The following RPS6KA2 variants were observed in gnomAD, a reference collection of about 807,000 sequenced individuals.
RPS6KA2 encodes ribosomal protein S6 kinase A2, also known as ribosomal protein S6 kinase alpha-2.
In RPS6KA2, 42 loss-of-function variants were observed where a neutral mutation model predicts 91.8. The ratio of observed to expected loss-of-function variants is 0.46; its 90% CI spans 0.36 to 0.59. The LOEUF (loss-of-function observed/expected upper bound fraction) is 0.59. Among genes scored for constraint, RPS6KA2 ranks in the 20% least tolerant of loss-of-function variants. The pLI, the probability that RPS6KA2 is intolerant of heterozygous loss-of-function variation, is 0.00. For synonymous variants in RPS6KA2, 414 were observed against 393.6 expected (o/e 1.05, Z -0.61); for missense variants, 798 against 978.5 (o/e 0.82, Z 2.46).
chr6:166,501,972 A>T (rs571605813), intron 6 of RPS6KA2, among the ~76,000 whole-genome samples: 1 of 152,374 alleles, frequency 6.6e-6, no homozygotes, highest in South Asian at 2.1e-4. Context: ...CCCAAACGAC[A>T]GGTATTATAT....
At position 166,549,659 on chromosome 6, in the gene RPS6KA2, G is replaced by T. The variant is rs573349907; in HGVS notation, c.100-10875C>A. Among the ~76,000 whole-genome samples the T allele has an allele frequency of 9.9e-5, 15 of 151,918 alleles. No individual in the cohort carries two copies. The South Asian group carries it at 1.5e-3, about 15-fold the overall frequency. ...GGTGAGGGATGGTTGGTGTTGGGGGGGTGTGTGTGTCCATAAAAGGGTACC... is the reference window on the plus strand; with the variant it reads ...GGTGAGGGATGGTTGGTGTTGGGGGTGTGTGTGTGTCCATAAAAGGGTACC... On this transcript the variant is annotated intron_variant, in intron 1 of 20. Coordinates refer to ENST00000265678, the MANE Select transcript of RPS6KA2 (RefSeq NM_021135.6).
At chr6:166,538,233 C>A (rs145185979) in intron 2 of RPS6KA2, among the ~76,000 whole-genome samples, 188 of 152,302 alleles carry the variant, frequency 1.2e-3, no homozygotes, top group African/African-American at 4.3e-3. Context: ...CAGACCCTAG[C>A]CTTCCTGGCT....
intron 2 of RPS6KA2, among the ~76,000 whole-genome samples, chr6:166,837,310 T>C (rs1780345827): frequency 6.6e-6 from 1 of 152,088 alleles, no homozygotes; most frequent in Non-Finnish European, 1.5e-5. Flanking sequence ...CCCTGACCCC[T>C]GGCCTCAGCA....
At chr6:166,702,977 A>T in intron 2 of RPS6KA2, 1 of 542,986 alleles carries the variant, frequency 1.8e-6, no homozygotes, top group Non-Finnish European at 3.3e-6. Context: ...AGAACCAAGC[A>T]CAAGAACGAG....
At chr6:166,505,253 G>A (rs934055837) in intron 5 of RPS6KA2, among the ~76,000 whole-genome samples, 1 of 152,132 alleles carries the variant, frequency 6.6e-6, no homozygotes, top group African/African-American at 2.4e-5. Flanking sequence ...GGGATCCCAC[G>A]TAGCTGGGAC....
At chr6:166,682,198 TTTC>T (rs1211051743) in intron 2 of RPS6KA2, among the ~76,000 whole-genome samples, 7 of 152,216 alleles carry the variant, frequency 4.6e-5, no homozygotes, top group Admixed American at 2.0e-4. Flanking sequence ...GCTTTCTCCT[TTTC>T]TTCTTCATTA....
At chr6:166,860,033 T>A (rs1337700154) in intron 1 of RPS6KA2, among the ~76,000 whole-genome samples, 1 of 152,318 alleles carries the variant, frequency 6.6e-6, no homozygotes, top group East Asian at 1.9e-4. Flanking sequence ...CATTTCTTGA[T>A]ATGTGAGTTA....
intron 2 of RPS6KA2, among the ~76,000 whole-genome samples, chr6:166,764,447 C>CG (rs144950169): frequency 0.11 from 17,468 of 152,088 alleles, 1,755 homozygotes; most frequent in East Asian, 0.29. Flanking sequence ...TCTAACAACA[C>CG]GGGGCCCGCG....
intron 2 of RPS6KA2, among the ~76,000 whole-genome samples, chr6:166,727,735 T>G (rs531985097): frequency 6.6e-6 from 1 of 152,084 alleles, no homozygotes; most frequent in African/African-American, 2.4e-5. Flanking sequence ...CAGCCTAAAC[T>G]ATCAGCAACC....
rs188239851 is a variant in RPS6KA2, at chr6:166,573,459, G to A, written c.100-34675C>T. Among the ~76,000 whole-genome samples the A allele has an allele frequency of 1.7e-3, 261 of 152,362 alleles. 2 individuals are homozygous for A. Among genetic ancestry groups the A allele is most frequent in the African/African-American group, 4.2e-3 (175 of 41,584 alleles). On this transcript the variant is annotated intron_variant, in intron 1 of 20. Coordinates refer to ENST00000265678, the MANE Select transcript of RPS6KA2 (RefSeq NM_021135.6). ...CGCACGTGTTCTGATGCAGGAAGACGTACTGCTGTCTATGTAAAGTACAGA... is the reference window on the plus strand; with the variant it reads ...CGCACGTGTTCTGATGCAGGAAGACATACTGCTGTCTATGTAAAGTACAGA...
chr6:166,702,564 T>G, intron 2 of RPS6KA2: 1 of 1,453,764 alleles, frequency 6.9e-7, no homozygotes, highest in Non-Finnish European at 9.7e-7. Flanking sequence ...CCTCCCACTG[T>G]AAGTGAGGAG....
intron 2 of RPS6KA2, among the ~76,000 whole-genome samples, chr6:166,532,800 T>C (rs1783330421): frequency 6.6e-6 from 1 of 152,114 alleles, no homozygotes; most frequent in Admixed American, 6.5e-5. Flanking sequence ...ACAGTTAATA[T>C]TCATCTCTGG....
intron 1 of RPS6KA2, among the ~76,000 whole-genome samples, chr6:166,605,693 G>T (rs529226500): frequency 6.6e-6 from 1 of 152,120 alleles, no homozygotes; most frequent in African/African-American, 2.4e-5. Context: ...ATGCACTCAC[G>T]CACACACACA....
intron 1 of RPS6KA2, among the ~76,000 whole-genome samples, chr6:166,599,089 C>G (rs1785641457): frequency 6.6e-6 from 1 of 152,204 alleles, no homozygotes; most frequent in Non-Finnish European, 1.5e-5. Flanking sequence ...GCAGGAGTCA[C>G]CTGGTGCGTG....
At position 166,622,420 on chromosome 6, in the gene RPS6KA2, G is replaced by GT. The variant is rs552609228; in HGVS notation, c.99+4500dup. Among the ~76,000 whole-genome samples the GT allele has an allele frequency of 1.6e-3, 234 of 150,812 alleles. 1 individual carries two copies. The South Asian group carries it at 0.032, about 20-fold the overall frequency. On this transcript the variant is annotated intron_variant, in intron 1 of 20. Coordinates refer to ENST00000265678, the MANE Select transcript of RPS6KA2 (RefSeq NM_021135.6). ...TCACTAATATGGACTATTTATTGTG[G>GT]TTTTTTTTTGGCTGTCAGAAAATCC...
At chr6:166,420,270 A>G (rs994059053) in intron 17 of RPS6KA2, among the ~76,000 whole-genome samples, 1 of 152,234 alleles carries the variant, frequency 6.6e-6, no homozygotes, top group Non-Finnish European at 1.5e-5. Context: ...CATAAAATTG[A>G]CCATCAAAGC....
chr6:166,504,129 G>A lies in RPS6KA2; in HGVS notation c.566+377C>T, dbSNP rs577407814. On this transcript the variant is annotated intron_variant, in intron 6 of 20. Transcript: ENST00000265678. ...AACTGCCCTGGAGGCAGCCATGTTT[G>A]AGATGGTCCCCAGTGGCCAGATGAG... Among the ~76,000 whole-genome samples, 4 of 152,356 alleles carry A rather than the reference G, an allele frequency of 2.6e-5. No homozygotes were observed. The East Asian group carries it at 7.7e-4, about 29-fold the overall frequency.
At chr6:166,862,375 C>T in exon 1 of RPS6KA2, 7 of 1,406,696 alleles carry the variant, frequency 5.0e-6, no homozygotes, top group Non-Finnish European at 6.5e-6. Context: ...AGGAGGGACC[C>T]GGGGGGCTGC....
chr6:166,851,058 A>G (rs997543222), intron 2 of RPS6KA2, among the ~76,000 whole-genome samples: 1 of 152,238 alleles, frequency 6.6e-6, no homozygotes, highest in African/African-American at 2.4e-5. Flanking sequence ...TGCTATACTT[A>G]GCAAATTACA....
Sources: allele counts gnomAD v4.1 joint callset (sites outside exome capture counted in the v4.1 genomes callset), GRCh38; gene constraint gnomAD v4.1.1; transcripts MANE v1.5; gene names NCBI Gene and HGNC (gene_info 2026-07-23, HGNC 2026-07-21).